The following SLC44A5 variants were observed in gnomAD, a reference collection of about 807,000 sequenced individuals.
The protein encoded by SLC44A5 is choline transporter-like protein 5.
SLC44A5 carries 57 observed loss-of-function variants against 101.8 expected under a neutral mutation model. The observed-to-expected ratio is 0.56, with a 90% confidence interval of 0.45 to 0.70. The LOEUF (loss-of-function observed/expected upper bound fraction) is 0.70, where lower values mean the gene tolerates loss of function less well. Ranked by LOEUF, SLC44A5 falls within the 30% of genes least tolerant of loss-of-function variation. The pLI, the probability that SLC44A5 is intolerant of heterozygous loss-of-function variation, is 0.00. For synonymous variants in SLC44A5, 281 were observed against 290.9 expected, an observed-to-expected ratio of 0.97 and a Z score of 0.35; for missense variants, 737 against 853.1, an observed-to-expected ratio of 0.86 and a Z score of 1.70.
rs189444565 is a variant in SLC44A5 at position 75,250,441 on chromosome 1, T to G, written c.345+769A>C. 2.9e-3 allele frequency among the ~76,000 whole-genome samples: 443 copies of G among 152,324 alleles called. 3 individuals are homozygous for G. Among genetic ancestry groups the G allele is most frequent in the African/African-American group, 9.7e-3 (404 of 41,580 alleles). The stretch of plus-strand genomic sequence containing the variant: ...GATTGATTCCATATCTTTGCTATTG[T>G]GAATAGTGCTGCAGTGAACATACAT... On this transcript the variant is annotated intron_variant, in intron 7 of 23. Coordinates refer to ENST00000370859, the MANE Select transcript of SLC44A5 (RefSeq NM_001130058.2).
intron 2 of SLC44A5, among the ~76,000 whole-genome samples, chr1:75,456,167 C>T (rs141933539): frequency 1.1e-3 from 173 of 152,196 alleles, no homozygotes; most frequent in African/African-American, 3.8e-3. Flanking sequence ...CCGTGGAATA[C>T]TACAGTCATA....
chr1:75,218,073 A>G, intron 17 of SLC44A5, 113 bp from the exon 18 acceptor site: 1 of 712,136 alleles, frequency 1.4e-6, no homozygotes, highest in African/African-American at 1.8e-5. Flanking sequence ...AACAGCAAAG[A>G]GACTTTTGCA....
At chr1:75,646,915 C>A in the SLC44A5 span, among the ~76,000 whole-genome samples, 2 of 152,106 alleles carry the variant, frequency 1.3e-5, no homozygotes, top group Non-Finnish European at 2.9e-5. Flanking sequence ...AATTTGCAGG[C>A]TGACAATGCA....
chr1:75,235,927 G>A (rs1244518430), intron 11 of SLC44A5, among the ~76,000 whole-genome samples: 1 of 152,072 alleles, frequency 6.6e-6, no homozygotes, highest in Non-Finnish European at 1.5e-5. Flanking sequence ...TGGAAGATAA[G>A]TATGTGTGTG....
rs142517683 is a variant in SLC44A5, at chr1:75,513,446, A to G, written c.13+27989T>C. On this transcript the variant is annotated intron_variant, in intron 2 of 23. Coordinates refer to ENST00000370859, the MANE Select transcript of SLC44A5 (RefSeq NM_001130058.2). ...ATAGCTTTACCAATTGGTACTAGAT[A>G]ATTGGATGGAATAAACTGCCCTATA... 4.4e-3 allele frequency among the ~76,000 whole-genome samples: 670 copies of G among 152,364 alleles called. 1 individual carries two copies. The highest frequency in any genetic ancestry group is 0.015 in the African/African-American group (644 of 41,574).
At chr1:75,506,028 T>C (rs1374009270) in intron 2 of SLC44A5, among the ~76,000 whole-genome samples, 1 of 152,204 alleles carries the variant, frequency 6.6e-6, no homozygotes. Context: ...AATTTTTGTA[T>C]ATGGTTCAAG....
the SLC44A5 span, among the ~76,000 whole-genome samples, chr1:75,693,425 TTCAAAGAGTTA>T: frequency 6.6e-6 from 1 of 152,206 alleles, no homozygotes; most frequent in Non-Finnish European, 1.5e-5. Flanking sequence ...CTCCTAGTTT[TTCAAAGAGTTA>T]TCTGCTGTTT....
upstream of SLC44A5, among the ~76,000 whole-genome samples, chr1:75,615,351 G>A (rs1454879919): frequency 1.3e-5 from 2 of 151,810 alleles, no homozygotes; most frequent in African/African-American, 4.8e-5. Context: ...AGGGACGAAG[G>A]GGCGGAGGGA....
At chr1:75,442,323 G>C (rs764723468) in intron 2 of SLC44A5, among the ~76,000 whole-genome samples, 3 of 152,124 alleles carry the variant, frequency 2.0e-5, no homozygotes, top group Non-Finnish European at 4.4e-5. Context: ...GGAGACTACT[G>C]CAATCGGGCT....
chr1:75,219,782 C>A lies in SLC44A5; in HGVS notation c.1178+18G>T, dbSNP rs1295895837. On this transcript the variant is annotated intron_variant, in intron 15 of 23. Coordinates refer to ENST00000370859, the MANE Select transcript of SLC44A5 (RefSeq NM_001130058.2). ...CATGTGAACCTGAGGTTTAAAGAGG[C>A]CAATTACCAAAGGATACACTGCTGT... 6.4e-7 allele frequency: 1 copy of A among 1,559,934 alleles called. No individual in the cohort carries two copies. The highest frequency in any genetic ancestry group is 8.8e-7 in the Non-Finnish European group (1 of 1,134,586).
At chr1:75,216,312 G>C (rs1456318444) in intron 18 of SLC44A5, among the ~76,000 whole-genome samples, 1 of 151,936 alleles carries the variant, frequency 6.6e-6, no homozygotes, top group Non-Finnish European at 1.5e-5. Context: ...ATATTTGATT[G>C]TGTGTACATA....
chr1:75,506,365 T>C (rs575569037), intron 2 of SLC44A5, among the ~76,000 whole-genome samples: 81 of 152,322 alleles, frequency 5.3e-4, no homozygotes, highest in Non-Finnish European at 1.0e-3. Flanking sequence ...AACTTTAGAA[T>C]AGTTTGTTTC....
At chr1:75,349,964 A>G (rs898907335) in intron 3 of SLC44A5, among the ~76,000 whole-genome samples, 1 of 152,162 alleles carries the variant, frequency 6.6e-6, no homozygotes, top group Non-Finnish European at 1.5e-5. Context: ...GTAAGAAAGA[A>G]AAGGAAAATA....
chr1:75,413,671 C>T (rs901394894), intron 2 of SLC44A5, among the ~76,000 whole-genome samples: 1 of 152,190 alleles, frequency 6.6e-6, no homozygotes, highest in Non-Finnish European at 1.5e-5. Flanking sequence ...CATAGACACT[C>T]TCTGCATGTC....
chr1:75,496,751 C>A (rs1382692327), intron 2 of SLC44A5, among the ~76,000 whole-genome samples: 1 of 151,642 alleles, frequency 6.6e-6, no homozygotes, highest in Non-Finnish European at 1.5e-5. Context: ...AGTTAATATC[C>A]AAAATATATA....
intron 1 of SLC44A5, among the ~76,000 whole-genome samples, chr1:75,566,861 T>C (rs1298604676): frequency 1.3e-5 from 2 of 152,208 alleles, no homozygotes; most frequent in African/African-American, 4.8e-5. Context: ...GTAGCATACG[T>C]ATTATCAGTA....
chr1:75,646,901 G>A, the SLC44A5 span, among the ~76,000 whole-genome samples: 10 of 152,242 alleles, frequency 6.6e-5, no homozygotes, highest in South Asian at 8.3e-4. Context: ...ATAAAAGCTC[G>A]GAAAATTTGC....
At chr1:75,583,668 G>GA (rs941240290) in intron 1 of SLC44A5, among the ~76,000 whole-genome samples, 21 of 152,112 alleles carry the variant, frequency 1.4e-4, no homozygotes, top group African/African-American at 4.1e-4. Flanking sequence ...TTTCTCTCAA[G>GA]AAAAAACTCA....
chr1:75,619,085 G>GC, the SLC44A5 span, among the ~76,000 whole-genome samples: 3 of 82,846 alleles, frequency 3.6e-5, no homozygotes, highest in East Asian at 5.6e-4. Context: ...AAAAAGGGGG[G>GC]GGGGAAGGAA....
Sources: allele counts gnomAD v4.1 joint callset (sites outside exome capture counted in the v4.1 genomes callset), GRCh38; gene constraint gnomAD v4.1.1; transcripts MANE v1.5; gene names NCBI Gene and HGNC (gene_info 2026-07-23, HGNC 2026-07-21).